Variants in FAM240B observed in about 807,000 individuals in gnomAD.
The protein encoded by FAM240B is family with sequence similarity 240 member B.
chr9:38,699,183 C>T (rs1029001071), intron 2 of FAM240B, among the ~76,000 whole-genome samples: 13 of 152,138 alleles, frequency 8.5e-5, no homozygotes, highest in Admixed American at 8.5e-4. Context: ...GTTGTTAATT[C>T]CTAGGAGCAC....
chr9:38,711,573 T>C (rs1821254949), intron 1 of FAM240B, among the ~76,000 whole-genome samples: 1 of 152,212 alleles, frequency 6.6e-6, no homozygotes, highest in African/African-American at 2.4e-5. Flanking sequence ...CCTTAGTTTC[T>C]TGGCTTAACA....
chr9:38,718,512 G>T (rs773514536), intron 1 of FAM240B, among the ~76,000 whole-genome samples: 2 of 152,132 alleles, frequency 1.3e-5, no homozygotes, highest in Non-Finnish European at 2.9e-5. Context: ...GAACATATCT[G>T]AATGGACCAC....
intron 1 of FAM240B, among the ~76,000 whole-genome samples, chr9:38,713,654 T>C (rs960553289): frequency 2.0e-5 from 3 of 152,142 alleles, no homozygotes; most frequent in African/African-American, 4.8e-5. Flanking sequence ...GCTGTAATTA[T>C]GTAAGAAGAT....
At chr9:38,718,665 A>G (rs1030970426) in intron 1 of FAM240B, among the ~76,000 whole-genome samples, 1 of 152,222 alleles carries the variant, frequency 6.6e-6, no homozygotes, top group Admixed American at 6.5e-5. Context: ...AAAATAAAAA[A>G]TAATTATAAT....
chr9:38,702,787 C>T (rs1427336271), intron 2 of FAM240B, among the ~76,000 whole-genome samples: 1 of 152,188 alleles, frequency 6.6e-6, no homozygotes, highest in Non-Finnish European at 1.5e-5. Context: ...TTTTATTACA[C>T]TAGTTTTTCG....
intron 1 of FAM240B, among the ~76,000 whole-genome samples, chr9:38,713,582 C>G (rs1821280026): frequency 6.9e-6 from 1 of 145,752 alleles, no homozygotes; most frequent in South Asian, 2.3e-4. Flanking sequence ...ATGGACAAAA[C>G]TGGAACACGG....
chr9:38,717,112 G>A (rs1038069826), intron 1 of FAM240B, among the ~76,000 whole-genome samples: 1 of 152,260 alleles, frequency 6.6e-6, no homozygotes, highest in South Asian at 2.1e-4. Flanking sequence ...GGAGGGAAGC[G>A]CCCAGGGAAG....
intron 1 of FAM240B, among the ~76,000 whole-genome samples, chr9:38,714,174 A>G (rs1821285563): frequency 6.6e-6 from 1 of 152,242 alleles, no homozygotes; most frequent in Non-Finnish European, 1.5e-5. Flanking sequence ...ATTGATAGAA[A>G]TTATTGAAAT....
intron 1 of FAM240B, among the ~76,000 whole-genome samples, chr9:38,718,351 C>T (rs147241025): frequency 6.6e-6 from 1 of 152,366 alleles, no homozygotes; most frequent in East Asian, 1.9e-4. Context: ...ATATTGCCTT[C>T]TGCTGTCACG....
chr9:38,702,634 T>C (rs186993002), intron 2 of FAM240B, among the ~76,000 whole-genome samples: 20 of 152,342 alleles, frequency 1.3e-4, no homozygotes, highest in African/African-American at 4.8e-4. Context: ...TTGACACATA[T>C]GACACGTCTT....
At position 38,711,665 on chromosome 9, in the gene FAM240B, T is replaced by C. The variant is rs1161446153; in HGVS notation, c.-3-7663A>G. Among the ~76,000 whole-genome samples, 128 of 147,204 alleles carry C rather than the reference T, an allele frequency of 8.7e-4. 2 individuals are homozygous for C. The highest frequency in any genetic ancestry group is 4.9e-3 in the East Asian group (25 of 5,090). ...TCCCTCTCTCTTTCTTCTTCTTTTT[T>C]TTTTTTTTTTTGACAGCATCTCCCT... On this transcript the variant is annotated intron_variant, in intron 1 of 2. Coordinates refer to ENST00000637493, the MANE Select transcript of FAM240B (RefSeq NM_001394922.1).
At chr9:38,713,834 T>A (rs1027413747) in intron 1 of FAM240B, among the ~76,000 whole-genome samples, 5 of 152,240 alleles carry the variant, frequency 3.3e-5, no homozygotes, top group African/African-American at 1.2e-4. Context: ...ATTCTTTGAA[T>A]TATTTTTTCT....
At chr9:38,716,370 G>A (rs1231176498) in intron 1 of FAM240B, among the ~76,000 whole-genome samples, 5 of 152,210 alleles carry the variant, frequency 3.3e-5, no homozygotes, top group African/African-American at 4.8e-5. Flanking sequence ...TACTCGGGAG[G>A]CTGAGGCAGG....
At chr9:38,713,154 G>A (rs1156733609) in intron 1 of FAM240B, among the ~76,000 whole-genome samples, 1 of 152,104 alleles carries the variant, frequency 6.6e-6, no homozygotes, top group Non-Finnish European at 1.5e-5. Context: ...GGATCATGAT[G>A]AGTAGGCTCA....
intron 2 of FAM240B, among the ~76,000 whole-genome samples, chr9:38,697,408 T>G (rs570938303): frequency 1.8e-4 from 27 of 152,328 alleles, no homozygotes; most frequent in African/African-American, 6.5e-4. Context: ...CCAAAACTTA[T>G]CAGGGCTGCC....
chr9:38,708,484 C>G (rs539711028), intron 1 of FAM240B, among the ~76,000 whole-genome samples: 12 of 152,312 alleles, frequency 7.9e-5, no homozygotes, highest in African/African-American at 2.4e-4. Context: ...CAGCTGCATC[C>G]CTACCTCCCC....
chr9:38,706,118 T>A (rs1821188124), intron 1 of FAM240B, among the ~76,000 whole-genome samples: 1 of 152,212 alleles, frequency 6.6e-6, no homozygotes, highest in Non-Finnish European at 1.5e-5. Context: ...TTAAAAATAA[T>A]TTTTAAATAT....
chr9:38,712,015 A>G lies in FAM240B; in HGVS notation c.-4+8007T>C, dbSNP rs553227343. 1.7e-3 allele frequency among the ~76,000 whole-genome samples: 253 copies of G among 152,234 alleles called. 2 individuals are homozygous for G. The highest frequency in any genetic ancestry group is 1.0e-4 in the Non-Finnish European group (7 of 68,016). Reference sequence around the variant, plus strand: ...TTGAGTCCCTCTGCACAATCTCCTTATAATTAACATCCTTCAAAGCCACCT... The same window carrying G: ...TTGAGTCCCTCTGCACAATCTCCTTGTAATTAACATCCTTCAAAGCCACCT... On this transcript the variant is annotated intron_variant, in intron 1 of 2. Coordinates refer to ENST00000637493, the MANE Select transcript of FAM240B (RefSeq NM_001394922.1).
chr9:38,699,335 C>T (rs902783800), intron 2 of FAM240B, among the ~76,000 whole-genome samples: 1 of 152,152 alleles, frequency 6.6e-6, no homozygotes, highest in African/African-American at 2.4e-5. Flanking sequence ...TTATGCTAGG[C>T]ACTAAACATA....
Sources: allele counts gnomAD v4.1 joint callset (sites outside exome capture counted in the v4.1 genomes callset), GRCh38; gene constraint gnomAD v4.1.1; transcripts MANE v1.5; gene names NCBI Gene and HGNC (gene_info 2026-07-23, HGNC 2026-07-21).